SOCS2: variants seen among roughly 807,000 people sequenced by gnomAD.
SOCS2 encodes CIS-2.
SOCS2 carries 10 observed loss-of-function variants against 18.6 expected under a neutral mutation model. That is an observed-to-expected ratio of 0.54 (90% CI 0.33 to 0.91). The LOEUF (loss-of-function observed/expected upper bound fraction) is 0.91, where lower values mean the gene tolerates loss of function less well. SOCS2 is among the 40% of genes least tolerant of loss of function. The pLI is 0.02. For missense variants in SOCS2, 231 were observed against 247.2 expected (o/e 0.93, Z 0.44); for synonymous variants, 104 against 104.0 (o/e 1.00, Z 0.00).
At chr12:93,619,910 T>C in the SOCS2 span, among the ~76,000 whole-genome samples, 1 of 152,220 alleles carries the variant, frequency 6.6e-6, no homozygotes, top group Non-Finnish European at 1.5e-5. Flanking sequence ...AGGTAATCTT[T>C]CTCTCTTCTG....
the SOCS2 span, among the ~76,000 whole-genome samples, chr12:93,623,593 G>T: frequency 6.6e-6 from 1 of 152,122 alleles, no homozygotes; most frequent in Non-Finnish European, 1.5e-5. Flanking sequence ...TGGTGTCTCT[G>T]GGTGAACATG....
At chr12:93,610,335 G>T in the SOCS2 span, among the ~76,000 whole-genome samples, 1 of 152,214 alleles carries the variant, frequency 6.6e-6, no homozygotes, top group South Asian at 2.1e-4. Flanking sequence ...TGGATGGTTG[G>T]TCACTCTGCC....
chr12:93,606,579 A>T, the SOCS2 span, among the ~76,000 whole-genome samples: 2 of 152,034 alleles, frequency 1.3e-5, no homozygotes, highest in African/African-American at 4.8e-5. Context: ...GCTTGATTTC[A>T]TCACACCTTT....
the SOCS2 span, among the ~76,000 whole-genome samples, chr12:93,613,708 A>G: frequency 6.6e-6 from 1 of 152,176 alleles, no homozygotes. Flanking sequence ...ACAATTGAGT[A>G]CTCTGGCTTT....
the SOCS2 span, among the ~76,000 whole-genome samples, chr12:93,610,162 G>T: frequency 1.3e-5 from 2 of 152,114 alleles, no homozygotes; most frequent in African/African-American, 4.8e-5. Flanking sequence ...TATATTAATT[G>T]TAAAATATCC....
the SOCS2 span, among the ~76,000 whole-genome samples, chr12:93,620,994 T>G: frequency 6.6e-6 from 1 of 152,192 alleles, no homozygotes; most frequent in African/African-American, 2.4e-5. Context: ...GGAGCCCAGG[T>G]GAGGAGAGCT....
At chr12:93,619,608 C>T in the SOCS2 span, among the ~76,000 whole-genome samples, 1 of 152,198 alleles carries the variant, frequency 6.6e-6, no homozygotes, top group African/African-American at 2.4e-5. Flanking sequence ...ACACAGGAAT[C>T]CTATGAGATA....
At chr12:93,593,538 G>A in the SOCS2 span, among the ~76,000 whole-genome samples, 1 of 152,144 alleles carries the variant, frequency 6.6e-6, no homozygotes, top group African/African-American at 2.4e-5. Flanking sequence ...CAGATACCAA[G>A]ATATGTTTCA....
Position 93,572,679 on chromosome 12 carries a change from T to G in SOCS2, c.-219T>G. On this transcript the variant is annotated 5_prime_UTR_variant, in exon 1 of 2. Coordinates refer to ENST00000551556, the MANE Select transcript of SOCS2 (RefSeq NM_001270471.2). This position sits in a 1 kb window ranked among gnomAD's most constrained non-coding sequence, Gnocchi z 5.0. ...ACTGACCCAACCTCCCGCTTTCTCT[T>G]TGTAGGCGATCAGTGGGTGACCGCG... The G allele has an allele frequency of 4.2e-6, 3 of 717,338 alleles. No homozygotes were observed. Among genetic ancestry groups the G allele is most frequent in the Non-Finnish European group, 5.0e-6 (2 of 402,592 alleles). 44.4% of individuals were successfully genotyped at this position (717,338 alleles called of 1,614,324 possible).
At chr12:93,571,049 C>T (rs1232578453), upstream of SOCS2, 1 of 154,332 alleles carries the variant, frequency 6.5e-6, no homozygotes, top group African/African-American at 2.4e-5. Context: ...TAACTCTTGC[C>T]AAGTCTCGTC....
chr12:93,620,899 A>G, the SOCS2 span, among the ~76,000 whole-genome samples: 1 of 152,244 alleles, frequency 6.6e-6, no homozygotes. Context: ...TGGTATATGC[A>G]GATAGATGGA....
the SOCS2 span, among the ~76,000 whole-genome samples, chr12:93,603,399 C>T: frequency 6.6e-6 from 1 of 152,166 alleles, no homozygotes; most frequent in East Asian, 1.9e-4. Context: ...CCTCAAGTCA[C>T]ACAGCCCTTC....
At chr12:93,591,513 T>C in the SOCS2 span, among the ~76,000 whole-genome samples, 14 of 152,362 alleles carry the variant, frequency 9.2e-5, no homozygotes, top group Admixed American at 3.9e-4. Flanking sequence ...ACGGAGTTCC[T>C]GCAGGGGCTG....
In SOCS2 at chr12:93,572,818, T is replaced by C. The variant is rs1392948494; in HGVS notation, c.-80T>C. On this transcript the variant is annotated 5_prime_UTR_variant, in exon 1 of 2. Coordinates refer to ENST00000551556, the MANE Select transcript of SOCS2 (RefSeq NM_001270471.2). The surrounding 1 kb of genome is among the most constrained non-coding windows in gnomAD (Gnocchi z 5.0). ...CAGGGACTCGTTTTGGGATTCGCAC[T>C]GACTTCAAGGAAGGACGCGAACCCT... The C allele has an allele frequency of 1.3e-6, 2 of 1,540,304 alleles. No homozygotes were observed. Among genetic ancestry groups the C allele is most frequent in the Admixed American group, 2.0e-5 (1 of 51,088 alleles).
At chr12:93,587,262 A>G (rs1954590151), downstream of SOCS2, among the ~76,000 whole-genome samples, 1 of 152,248 alleles carries the variant, frequency 6.6e-6, no homozygotes, top group South Asian at 2.1e-4. Flanking sequence ...TACATGGTAC[A>G]ATAAGATAAT....
At chr12:93,581,079 G>A (rs116070095), downstream of SOCS2, among the ~76,000 whole-genome samples, 187 of 152,324 alleles carry the variant, frequency 1.2e-3, no homozygotes, top group African/African-American at 4.3e-3. Flanking sequence ...AATATCAAGA[G>A]AGAAAAGTAA....
chr12:93,571,288 C>T (rs1427024539), upstream of SOCS2: 2 of 152,314 alleles, frequency 1.3e-5, no homozygotes, highest in East Asian at 1.9e-4. Flanking sequence ...GAGGCGCGGC[C>T]GCGTGCGCCG....
At chr12:93,573,272 TAGCTTCTTAGCACGCTGGA>T in intron 1 of SOCS2, 1 of 593,902 alleles carries the variant, frequency 1.7e-6, no homozygotes, top group Non-Finnish European at 3.0e-6. Flanking sequence ...TTCTTGGAAA[TAGCTTCTTAGCACGCTGGA>T]AGATTTACTG....
chr12:93,572,891 T>A lies in SOCS2; in HGVS notation c.-7T>A. The A allele has an allele frequency of 1.3e-6, 2 of 1,571,694 alleles. No homozygotes were observed. Among genetic ancestry groups the A allele is most frequent in the Non-Finnish European group, 1.7e-6 (2 of 1,157,760 alleles). Reference sequence around the variant, plus strand: ...CCACCTGTCTTTGCCGCGGTGACCCTTCTCTCATGACCCTGCGGTGCCTTG... The same window carrying A: ...CCACCTGTCTTTGCCGCGGTGACCCATCTCTCATGACCCTGCGGTGCCTTG... On this transcript the variant is annotated 5_prime_UTR_variant, in exon 1 of 2. Transcript: ENST00000551556. This position sits in a 1 kb window ranked among gnomAD's most constrained non-coding sequence, Gnocchi z 5.0.
Sources: gnomAD v4.1 joint callset for allele counts (sites outside exome capture counted in the v4.1 genomes callset) on GRCh38, gnomAD v4.1.1 for gene constraint, Gnocchi (gnomAD v3.1) non-coding constraint, MANE v1.5 for transcripts, NCBI Gene and HGNC (gene_info 2026-07-23, HGNC 2026-07-21) for gene names.